GAP43: variants seen among roughly 807,000 people sequenced by gnomAD.
GAP43 encodes neuromodulin.
Under a neutral mutation model 18.6 loss-of-function variants are expected in GAP43, and 6 were observed. That is an observed-to-expected ratio of 0.32 (90% CI 0.18 to 0.64). The LOEUF (loss-of-function observed/expected upper bound fraction) is 0.64, where lower values mean the gene tolerates loss of function less well. Among genes scored for constraint, GAP43 ranks in the 30% least tolerant of loss-of-function variants. The pLI is 0.78. For missense variants in GAP43, 292 were observed against 295.5 expected (o/e 0.99, Z 0.09); for synonymous variants, 115 against 111.4 (o/e 1.03, Z -0.20).
At chr3:115,642,696 C>G (rs866005441) in intron 1 of GAP43, among the ~76,000 whole-genome samples, 17 of 152,096 alleles carry the variant, frequency 1.1e-4, no homozygotes, top group South Asian at 1.0e-3. Flanking sequence ...TACCACAACT[C>G]CAAAAGATTT....
At chr3:115,669,104 T>G (rs60529394) in intron 1 of GAP43, among the ~76,000 whole-genome samples, 7,255 of 151,580 alleles carry the variant, frequency 0.048, 277 homozygotes, top group African/African-American at 0.1. Context: ...AAAAATAATT[T>G]TATTGATATG....
At chr3:115,625,020 G>A (rs796206277) in intron 1 of GAP43, among the ~76,000 whole-genome samples, 4 of 152,074 alleles carry the variant, frequency 2.6e-5, no homozygotes, top group African/African-American at 9.6e-5. Context: ...TGGAAATTGG[G>A]CAATTTGTAA....
chr3:115,631,365 A>C (rs926988691), intron 1 of GAP43, among the ~76,000 whole-genome samples: 1 of 152,198 alleles, frequency 6.6e-6, no homozygotes, highest in Non-Finnish European at 1.5e-5. Context: ...TAGTGGGTAC[A>C]TAAAAAGAAC....
rs367868140 is a variant in GAP43, at chr3:115,706,472, C to T, written c.629-14322C>T. On this transcript the variant is annotated intron_variant, in intron 2 of 2. Transcript: ENST00000305124. ...AGTTTTTCTACAAATGAAGCTAGCT[C>T]AAAGATAAGGTTTTTGTTTGTTTAA... Among the ~76,000 whole-genome samples, 29 of 152,220 alleles carry T rather than the reference C, an allele frequency of 1.9e-4. 2 individuals carry two copies. In the South Asian group the frequency reaches 5.6e-3, roughly 29 times the overall value.
chr3:115,708,955 T>G (rs1709401206), intron 2 of GAP43, among the ~76,000 whole-genome samples: 1 of 151,110 alleles, frequency 6.6e-6, no homozygotes, highest in South Asian at 2.1e-4. Context: ...TTTTTTTTTT[T>G]TTTTTTTTTG....
intron 1 of GAP43, among the ~76,000 whole-genome samples, chr3:115,673,070 T>C (rs968037510): frequency 2.6e-5 from 4 of 152,152 alleles, no homozygotes; most frequent in Non-Finnish European, 5.9e-5. Context: ...TTGAATTTCT[T>C]ATACTTCTGG....
intron 2 of GAP43, among the ~76,000 whole-genome samples, chr3:115,709,332 C>G (rs1233595584): frequency 2.6e-5 from 4 of 152,170 alleles, no homozygotes; most frequent in Non-Finnish European, 4.4e-5. Flanking sequence ...CCAATTTTAC[C>G]CTTGGCCAGA....
intron 1 of GAP43, among the ~76,000 whole-genome samples, chr3:115,654,052 T>C (rs576823598): frequency 2.0e-5 from 3 of 152,324 alleles, no homozygotes; most frequent in South Asian, 2.1e-4. Context: ...CCTTCTGTGA[T>C]TGGATGATTC....
At chr3:115,690,183 A>C (rs1287113993) in intron 2 of GAP43, among the ~76,000 whole-genome samples, 2 of 152,208 alleles carry the variant, frequency 1.3e-5, no homozygotes, top group East Asian at 1.9e-4. Context: ...AGCAGATCTA[A>C]GTGGCAGATG....
At chr3:115,697,998 T>C (rs76687709) in intron 2 of GAP43, among the ~76,000 whole-genome samples, 133 of 89,186 alleles carry the variant, frequency 1.5e-3, no homozygotes, top group African/African-American at 6.7e-3. Flanking sequence ...TGTGTGTGTG[T>C]GTGTGTGTGT....
chr3:115,689,750 T>G (rs1709080572), intron 2 of GAP43, among the ~76,000 whole-genome samples: 3 of 147,904 alleles, frequency 2.0e-5, no homozygotes, highest in African/African-American at 2.5e-5. Context: ...AAAGGGAGAG[T>G]AGGAGGGAAG....
intron 2 of GAP43, among the ~76,000 whole-genome samples, chr3:115,707,554 G>A (rs370022707): frequency 5.9e-5 from 9 of 152,130 alleles, no homozygotes; most frequent in African/African-American, 1.9e-4. Context: ...GCCTCCCAAA[G>A]TGCTGAGATT....
At chr3:115,627,745 A>G (rs1708208398) in intron 1 of GAP43, among the ~76,000 whole-genome samples, 1 of 152,204 alleles carries the variant, frequency 6.6e-6, no homozygotes, top group African/African-American at 2.4e-5. Flanking sequence ...CATTAGGGCA[A>G]CCAAGCAGTG....
intron 2 of GAP43, among the ~76,000 whole-genome samples, chr3:115,707,525 A>G (rs1709379905): frequency 1.3e-5 from 2 of 152,098 alleles, no homozygotes; most frequent in South Asian, 4.2e-4. Flanking sequence ...TCCTGGGCTC[A>G]AGTGATCCTC....
At chr3:115,690,757 CTTTTTTT>C in intron 2 of GAP43, among the ~76,000 whole-genome samples, 1 of 110,966 alleles carries the variant, frequency 9.0e-6, no homozygotes, top group East Asian at 2.6e-4. Flanking sequence ...TTCTTTCTTT[CTTTTTTT>C]TTTTTTTTTG....
Position 115,676,080 on chromosome 3 carries a change from AG to A in GAP43, c.100del (p.Ala34ProfsTer13). The part of the protein sequence containing the change: ...DGIKPEDKAH[K>X]AATKIQASFR... ...ATCAAACCAGAAGATAAAGCTCATA[AG>A]GCCGCAACCAAAATTCAGGCTAGCT... On this transcript the variant is annotated frameshift_variant, in exon 2 of 3. Transcript: ENST00000305124. LOFTEE classifies it high-confidence loss of function. 1 of 1,614,214 alleles carries A rather than the reference AG, an allele frequency of 6.2e-7. No individual in the cohort carries two copies.
intron 2 of GAP43, among the ~76,000 whole-genome samples, chr3:115,705,685 A>G (rs937280386): frequency 6.6e-6 from 1 of 152,208 alleles, no homozygotes; most frequent in African/African-American, 2.4e-5. Flanking sequence ...CAATCATTCA[A>G]TGAATATGAA....
intron 1 of GAP43, among the ~76,000 whole-genome samples, chr3:115,645,772 T>C (rs1708451472): frequency 6.6e-6 from 1 of 151,872 alleles, no homozygotes; most frequent in African/African-American, 2.4e-5. Context: ...ACTATATTTG[T>C]AAAATGCTTA....
chr3:115,680,532 G>A (rs1263327106), intron 2 of GAP43, among the ~76,000 whole-genome samples: 3 of 152,102 alleles, frequency 2.0e-5, no homozygotes. Flanking sequence ...TTGGTATGGG[G>A]GTAGTATGAA....
Sources: allele counts gnomAD v4.1 joint callset (sites outside exome capture counted in the v4.1 genomes callset), GRCh38; gene constraint gnomAD v4.1.1; transcripts MANE v1.5; gene names NCBI Gene and HGNC (gene_info 2026-07-23, HGNC 2026-07-21).